The following KCNQ3 variants were observed in gnomAD, a reference collection of about 807,000 sequenced individuals.
KCNQ3 encodes the protein potassium voltage-gated channel subfamily KQT member 3.
In KCNQ3, 30 loss-of-function variants were observed where a neutral mutation model predicts 92.5. That is an observed-to-expected ratio of 0.32 (90% confidence interval 0.24 to 0.44). KCNQ3 has a LOEUF of 0.44. Ranked by LOEUF, KCNQ3 falls within the 20% of genes least tolerant of loss-of-function variation. The probability of loss-of-function intolerance (pLI) is 1.00; values close to 1 mark genes in which losing one functional copy is unlikely to be tolerated. For synonymous variants in KCNQ3, 450 were observed against 468.8 expected (o/e 0.96, Z 0.52); for missense variants, 913 against 1,140.3 (o/e 0.80, Z 2.87).
intron 1 of KCNQ3, among the ~76,000 whole-genome samples, chr8:132,203,152 C>T (rs1011179737): frequency 1.3e-5 from 2 of 152,194 alleles, no homozygotes; most frequent in Non-Finnish European, 1.5e-5. Flanking sequence ...GAACAAACCC[C>T]TCCTGAGATA....
At chr8:132,414,936 T>A (rs555297563) in intron 1 of KCNQ3, among the ~76,000 whole-genome samples, 4 of 152,332 alleles carry the variant, frequency 2.6e-5, no homozygotes, top group Non-Finnish European at 5.9e-5. Flanking sequence ...GAAAGTGGGC[T>A]GAGTTAGGGC....
At chr8:132,381,331 T>C (rs1254808957) in intron 1 of KCNQ3, among the ~76,000 whole-genome samples, 1 of 152,224 alleles carries the variant, frequency 6.6e-6, no homozygotes, top group Non-Finnish European at 1.5e-5. Context: ...ACAGCTGAGA[T>C]GGCACACTCA....
intron 1 of KCNQ3, among the ~76,000 whole-genome samples, chr8:132,455,578 A>G (rs1821920897): frequency 6.6e-6 from 1 of 152,148 alleles, no homozygotes; most frequent in Non-Finnish European, 1.5e-5. Flanking sequence ...TACCTATTCT[A>G]TTTAGAGCTA....
intron 9 of KCNQ3, among the ~76,000 whole-genome samples, chr8:132,162,287 GATTTAATA>G (rs1826015801): frequency 6.6e-6 from 1 of 152,208 alleles, no homozygotes; most frequent in Non-Finnish European, 1.5e-5. Context: ...TCTAAAGGTA[GATTTAATA>G]ATTCACTTGC....
chr8:132,427,260 T>TGC (rs1821136286), intron 1 of KCNQ3, among the ~76,000 whole-genome samples: 1 of 152,128 alleles, frequency 6.6e-6, no homozygotes, highest in East Asian at 1.9e-4. Context: ...GTACCAGTCT[T>TGC]GCACACAGAG....
At chr8:132,330,470 G>A (rs1057486132) in intron 1 of KCNQ3, among the ~76,000 whole-genome samples, 2 of 152,066 alleles carry the variant, frequency 1.3e-5, no homozygotes, top group Admixed American at 1.3e-4. Context: ...CCCACTATGG[G>A]GCTCTCAGGC....
chr8:132,417,771 T>C (rs1373616617), intron 1 of KCNQ3, among the ~76,000 whole-genome samples: 1 of 151,912 alleles, frequency 6.6e-6, no homozygotes, highest in African/African-American at 2.4e-5. Flanking sequence ...CCTAATGGAG[T>C]CCAAGCAATG....
chr8:132,332,264 C>T (rs955765140), intron 1 of KCNQ3, among the ~76,000 whole-genome samples: 1 of 152,200 alleles, frequency 6.6e-6, no homozygotes, highest in Non-Finnish European at 1.5e-5. Flanking sequence ...TTCCTCCCCA[C>T]TCTAGCTCTC....
intron 1 of KCNQ3, among the ~76,000 whole-genome samples, chr8:132,203,167 C>T (rs1191409674): frequency 1.3e-5 from 2 of 152,180 alleles, no homozygotes; most frequent in Non-Finnish European, 2.9e-5. Flanking sequence ...GAGATAAGAG[C>T]ATTAATCCAT....
chr8:132,281,531 TG>T (rs1563838973), intron 1 of KCNQ3, among the ~76,000 whole-genome samples: 1 of 110,342 alleles, frequency 9.1e-6, no homozygotes, highest in Non-Finnish European at 2.0e-5. Context: ...TGTGTGTGTG[TG>T]TGTGTATATG....
At chr8:132,312,333 G>A (rs1817618735) in intron 1 of KCNQ3, among the ~76,000 whole-genome samples, 1 of 152,178 alleles carries the variant, frequency 6.6e-6, no homozygotes. Flanking sequence ...GCTGCTTTAT[G>A]AATCAGCAGA....
At chr8:132,446,868 T>G (rs907043431) in intron 1 of KCNQ3, among the ~76,000 whole-genome samples, 2 of 152,008 alleles carry the variant, frequency 1.3e-5, no homozygotes, top group Admixed American at 1.3e-4. Flanking sequence ...TAGAAAACAA[T>G]AAAAAAGATG....
At chr8:132,322,176 A>G (rs982824972) in intron 1 of KCNQ3, among the ~76,000 whole-genome samples, 2 of 152,200 alleles carry the variant, frequency 1.3e-5, no homozygotes, top group African/African-American at 4.8e-5. Context: ...GGCATCTTCA[A>G]CGAATAACAG....
intron 1 of KCNQ3, among the ~76,000 whole-genome samples, chr8:132,229,705 A>G: frequency 6.6e-6 from 1 of 151,940 alleles, no homozygotes; most frequent in South Asian, 2.1e-4. Context: ...GGGACCAGAG[A>G]CAAGCAGAGG....
intron 1 of KCNQ3, among the ~76,000 whole-genome samples, chr8:132,448,389 C>G (rs1326779028): frequency 6.6e-6 from 1 of 151,508 alleles, no homozygotes; most frequent in East Asian, 1.9e-4. Flanking sequence ...TTTCTGCTAC[C>G]AGCCTCTGAA....
intron 1 of KCNQ3, among the ~76,000 whole-genome samples, chr8:132,356,325 G>A (rs998346254): frequency 4.1e-4 from 63 of 152,194 alleles, no homozygotes; most frequent in African/African-American, 1.5e-3. Flanking sequence ...GGACAGCAGG[G>A]ACTGATTGAA....
chr8:132,186,716 AAC>A (rs1483915632), intron 1 of KCNQ3: 2 of 248,292 alleles, frequency 8.1e-6, no homozygotes, highest in African/African-American at 4.6e-5. Flanking sequence ...CAGTCAATGG[AAC>A]CTCTTTCAAT....
At chr8:132,395,768 C>G (rs968221580) in intron 1 of KCNQ3, among the ~76,000 whole-genome samples, 1 of 152,216 alleles carries the variant, frequency 6.6e-6, no homozygotes, top group Non-Finnish European at 1.5e-5. Context: ...GGGCTCATCC[C>G]CATTTGGCTG....
chr8:132,480,549 G>A lies in KCNQ3; in HGVS notation c.-17C>T, dbSNP rs779848414. 2 of 1,246,682 alleles carry A rather than the reference G, an allele frequency of 1.6e-6. No individual in the cohort carries two copies. Among genetic ancestry groups the A allele is most frequent in the Non-Finnish European group, 2.1e-6 (2 of 973,758 alleles). The allele number at this position is 1,246,682 out of a possible 1,614,324, so 77.2% of individuals were successfully genotyped here. ...GAGCCCCATCTGCCTCGCCCCCGCC[G>A]GCCGCTTCGCCTTCTCCGCTGCTGC... On this transcript the variant is annotated 5_prime_UTR_variant, in exon 1 of 15. Transcript: ENST00000388996.
Sources: gnomAD v4.1 joint callset for allele counts (sites outside exome capture counted in the v4.1 genomes callset) on GRCh38, gnomAD v4.1.1 for gene constraint, MANE v1.5 for transcripts, NCBI Gene and HGNC (gene_info 2026-07-23, HGNC 2026-07-21) for gene names.